Variants in PIWIL2 observed in about 807,000 individuals in gnomAD.
PIWIL2 encodes piwi-like protein 2.
PIWIL2 carries 81 observed loss-of-function variants against 116.5 expected under a neutral mutation model. The observed-to-expected ratio is 0.70, with a 90% CI of 0.58 to 0.84. The LOEUF is 0.84. PIWIL2 is among the 40% of genes least tolerant of loss of function. The pLI is 0.00. For synonymous variants in PIWIL2, 489 were observed against 429.5 expected (o/e 1.14, Z -1.71); for missense variants, 1,272 against 1,212.3 (o/e 1.05, Z -0.73).
chr8:22,305,558 A>G (rs1831156377), intron 12 of PIWIL2, among the ~76,000 whole-genome samples: 1 of 152,152 alleles, frequency 6.6e-6, no homozygotes, highest in African/African-American at 2.4e-5. Flanking sequence ...CCTCTGTCTT[A>G]AATGTGAAGA....
intron 21 of PIWIL2, 109 bp downstream of exon 21, chr8:22,353,321 C>G: frequency 6.4e-6 from 6 of 935,448 alleles, no homozygotes; most frequent in Non-Finnish European, 9.8e-6. Context: ...ACTAGAATCT[C>G]AGAGAGGCTA....
At position 22,311,180 on chromosome 8, in the gene PIWIL2, C is replaced by T; in HGVS notation, c.1869C>T (p.Asn623=). 1 of 1,614,142 alleles carries T rather than the reference C, an allele frequency of 6.2e-7. No individual in the cohort carries two copies. The stretch of plus-strand genomic sequence containing the variant: ...TGGACCAGGCTCGAGAACTGGTCAA[C>T]ATGTTGGAGAAGATAGCCGGCCCCA... ...RAMDQARELV[N]MLEKIAGPIG... The change falls in exon 16 of 23, where the codon AAC becomes AAT. Residue 623 remains asparagine, a synonymous_variant. Coordinates refer to ENST00000356766, the MANE Select transcript of PIWIL2 (RefSeq NM_018068.5).
At chr8:22,295,824 G>T (rs1427800176) in intron 10 of PIWIL2, among the ~76,000 whole-genome samples, 4 of 152,116 alleles carry the variant, frequency 2.6e-5, no homozygotes, top group Non-Finnish European at 5.9e-5. Context: ...CTTCTAAAGG[G>T]TAGTAAGTCA....
At chr8:22,306,682 GT>G (rs1253405245) in intron 13 of PIWIL2, among the ~76,000 whole-genome samples, 2 of 152,172 alleles carry the variant, frequency 1.3e-5, no homozygotes, top group African/African-American at 2.4e-5. Context: ...GCCACATACA[GT>G]TTTTGGTAAC....
At chr8:22,329,752 C>A (rs1488719467) in intron 20 of PIWIL2, among the ~76,000 whole-genome samples, 1 of 152,200 alleles carries the variant, frequency 6.6e-6, no homozygotes, top group Non-Finnish European at 1.5e-5. Flanking sequence ...TTTCTTGGTG[C>A]TAATTCTGTA....
intron 20 of PIWIL2, among the ~76,000 whole-genome samples, chr8:22,320,168 G>T (rs1183971745): frequency 6.6e-6 from 1 of 151,716 alleles, no homozygotes; most frequent in Non-Finnish European, 1.5e-5. Context: ...TCGGCGTCTT[G>T]GCCAGGCTGG....
In PIWIL2 at chr8:22,281,203, A is replaced by G. The variant is rs1464624137; in HGVS notation, c.282A>G (p.Pro94=). Residue 94 remains proline (P), a synonymous_variant, in exon 3 of 23, where the codon CCA becomes CCG. Transcript: ENST00000356766. ...SKTPLKREML[P]SGRGILGRGL... is the part of the protein sequence containing the mutation. ...CCCCTCTGAAACGGGAAATGCTTCC[A>G]TCAGGTATGTGGAAAACTAACTTGA... 1.9e-6 allele frequency: 3 copies of G among 1,608,132 alleles called. No individual in the cohort carries two copies. The highest frequency in any genetic ancestry group is 2.6e-6 in the Non-Finnish European group (3 of 1,176,456).
intron 1 of PIWIL2, chr8:22,276,157 A>G (rs1830363128): frequency 6.6e-6 from 1 of 152,330 alleles, no homozygotes; most frequent in African/African-American, 2.4e-5. Flanking sequence ...AGGGAGTCAT[A>G]TCCTGCGTTT....
chr8:22,342,641 A>G (rs1240110778), intron 20 of PIWIL2, among the ~76,000 whole-genome samples: 2 of 152,252 alleles, frequency 1.3e-5, no homozygotes, highest in Non-Finnish European at 2.9e-5. Flanking sequence ...ACCTATGTTT[A>G]AAATGCAAAA....
Position 22,287,603 on chromosome 8 carries a change from G to T in PIWIL2, c.819G>T (p.Ala273=). The change falls in exon 7 of 23, where the codon GCG becomes GCT. Residue 273 remains alanine (A), a synonymous_variant. Transcript: ENST00000356766. ...AAGCTGTCACCGGCAACGTCACTGCGTTTGATGGATCTATTCTCTATCTGC... is the reference window on the plus strand; with the variant it reads ...AAGCTGTCACCGGCAACGTCACTGCTTTTGATGGATCTATTCTCTATCTGC... ...DHQAVTGNVT[A]FDGSILYLPV... 1 of 1,613,290 alleles carries T rather than the reference G, an allele frequency of 6.2e-7. No homozygotes were observed. The highest frequency in any genetic ancestry group is 8.5e-7 in the Non-Finnish European group (1 of 1,179,216).
Position 22,308,050 on chromosome 8 carries a change from C to T in PIWIL2, c.1663C>T (p.Arg555Cys), listed in dbSNP as rs141332968. Residue 555 changes from arginine to cysteine, a missense_variant, in exon 14 of 23, where the codon CGT (arginine) becomes TGT (cysteine). Transcript: ENST00000356766. Reference protein sequence around the residue: ...ATNELMRWGLRLQKDVHKIEG... With the variant: ...ATNELMRWGLCLQKDVHKIEG... The stretch of plus-strand genomic sequence containing the variant: ...CAATGAACTGATGCGTTGGGGGCTC[C>T]GTCTGCAAAAGGATGTACATAAGGT... 2.7e-5 allele frequency: 44 copies of T among 1,613,678 alleles called. No homozygotes were observed. The highest frequency in any genetic ancestry group is 6.7e-5 in the Admixed American group (4 of 59,966).
At chr8:22,342,685 T>C (rs1832138223) in intron 20 of PIWIL2, among the ~76,000 whole-genome samples, 2 of 152,138 alleles carry the variant, frequency 1.3e-5, no homozygotes, top group South Asian at 4.1e-4. Context: ...ATAGAAAATC[T>C]AGGTGGCTTT....
intron 20 of PIWIL2, among the ~76,000 whole-genome samples, chr8:22,328,802 G>A (rs1265294569): frequency 7.8e-6 from 1 of 128,394 alleles, no homozygotes; most frequent in Non-Finnish European, 1.6e-5. Flanking sequence ...TCTGAATGTG[G>A]TTATGAGCTC....
intron 20 of PIWIL2, among the ~76,000 whole-genome samples, chr8:22,339,777 A>G (rs1178123567): frequency 6.6e-6 from 1 of 152,238 alleles, no homozygotes; most frequent in Admixed American, 6.5e-5. Flanking sequence ...TTACAACTCA[A>G]GAAAAACACA....
chr8:22,321,292 TAG>T (rs1481595754), intron 20 of PIWIL2, among the ~76,000 whole-genome samples: 1 of 152,062 alleles, frequency 6.6e-6, no homozygotes, highest in Non-Finnish European at 1.5e-5. Flanking sequence ...TAAAAATTTT[TAG>T]TAGAAATGAG....
Position 22,287,568 on chromosome 8 carries a change from A to G in PIWIL2, c.784A>G (p.Lys262Glu). ...ECKSMRFGML[K>E]DHQAVTGNVT... ...CAAAAGCATGAGGTTCGGCATGTTG[A>G]AGGACCATCAAGCTGTCACCGGCAA... is the stretch of plus-strand genomic sequence containing the variant. The change falls in exon 7 of 23, where the codon AAG becomes GAG. Residue 262 changes from lysine to glutamate, a missense_variant. Physicochemically the swap from Lys to Glu is moderately conservative, Grantham distance 56. Transcript: ENST00000356766. The G allele has an allele frequency of 6.2e-7, 1 of 1,613,876 alleles. No individual in the cohort carries two copies. The highest frequency in any genetic ancestry group is 8.5e-7 in the Non-Finnish European group (1 of 1,179,738).
chr8:22,285,834 G>A (rs143609509), intron 6 of PIWIL2, among the ~76,000 whole-genome samples: 1,916 of 151,850 alleles, frequency 0.013, 43 homozygotes, highest in African/African-American at 0.044. Flanking sequence ...TAGTAGAGTC[G>A]GGGTTTTGCC....
chr8:22,352,898 A>T (rs1832404557), intron 20 of PIWIL2, 61 bp from the exon 21 acceptor site: 2 of 1,542,622 alleles, frequency 1.3e-6, no homozygotes, highest in Non-Finnish European at 1.8e-6. Flanking sequence ...TGGGCCTCTC[A>T]CTGACTGTGG....
chr8:22,330,697 AAAATAAATAAATAAATAAAT>A lies in PIWIL2; in HGVS notation c.2403+12450_2403+12469del, dbSNP rs3992768. 2.1e-4 allele frequency among the ~76,000 whole-genome samples: 29 copies of A among 137,162 alleles called. 1 individual carries two copies. In the South Asian group the frequency reaches 5.0e-3, roughly 23 times the overall value. 90.0% of individuals were successfully genotyped at this position (137,162 alleles called of 152,430 possible). On this transcript the variant is annotated intron_variant, in intron 20 of 22. Coordinates refer to ENST00000356766, the MANE Select transcript of PIWIL2 (RefSeq NM_018068.5). ...GGGCAACAGAGTGAGACTCTGTCTC[AAAATAAATAAATAAATAAAT>A]AAATAAATAAATAAATAAATAAATA...
Sources: gnomAD v4.1 joint callset for allele counts (sites outside exome capture counted in the v4.1 genomes callset) on GRCh38, gnomAD v4.1.1 for gene constraint, MANE v1.5 for transcripts, NCBI Gene and HGNC (gene_info 2026-07-23, HGNC 2026-07-21) for gene names.